The following NT5DC4 variants were observed in gnomAD, a reference collection of about 807,000 sequenced individuals.
NT5DC4 encodes 5'-nucleotidase domain containing 4, also known as 5'-nucleotidase domain-containing protein 4.
Under a neutral mutation model 26.6 loss-of-function variants are expected in NT5DC4, and 44 were observed. The observed-to-expected ratio is 1.65, with a 90% CI of 1.30 to 2.13. The LOEUF is 2.13. NT5DC4 is among the 30% of genes most tolerant of loss of function. The pLI is 0.00. For synonymous variants in NT5DC4, 157 were observed against 86.7 expected, an observed-to-expected ratio of 1.81 and a Z score of -4.51; for missense variants, 399 against 228.1, an observed-to-expected ratio of 1.75 and a Z score of -4.83.
Position 112,738,953 on chromosome 2 carries a change from A to G in NT5DC4, c.*17A>G. On this transcript the variant is annotated 3_prime_UTR_variant, in exon 17 of 17. Transcript: ENST00000688554. ...CACTACTAAATCGTGTTCCTGCAGC[A>G]TTTCTGGGTAGCGGGACACTGCTCG... 1 of 1,614,174 alleles carries G rather than the reference A, an allele frequency of 6.2e-7. No homozygotes were observed. The highest frequency in any genetic ancestry group is 1.1e-5 in the South Asian group (1 of 91,082).
downstream of NT5DC4, among the ~76,000 whole-genome samples, chr2:112,741,567 G>A (rs1679967771): frequency 1.3e-5 from 2 of 152,228 alleles, no homozygotes; most frequent in Non-Finnish European, 2.9e-5. Context: ...GACACCCTAA[G>A]TGAGGTCAAT....
At chr2:112,739,841 T>C (rs149874262), downstream of NT5DC4, among the ~76,000 whole-genome samples, 1 of 152,012 alleles carries the variant, frequency 6.6e-6, no homozygotes, top group Non-Finnish European at 1.5e-5. Context: ...TTTCATAGAG[T>C]TGGGGTCTCC....
chr2:112,723,503 C>T (rs1377999283), intron 8 of NT5DC4, 35 bp downstream of exon 8: 1 of 715,888 alleles, frequency 1.4e-6, no homozygotes, highest in Admixed American at 2.0e-5. Flanking sequence ...ATGGCCATCA[C>T]CCCCAAAGCA....
upstream of NT5DC4, among the ~76,000 whole-genome samples, chr2:112,719,023 G>A (rs74438356): frequency 1.3e-5 from 2 of 152,074 alleles, no homozygotes; most frequent in African/African-American, 2.4e-5. Flanking sequence ...GTCATGCGGG[G>A]CTTGACCACA....
intron 9 of NT5DC4, 125 bp from the exon 10 acceptor site, chr2:112,723,969 A>G: frequency 1.4e-6 from 1 of 702,954 alleles, no homozygotes; most frequent in Non-Finnish European, 2.6e-6. Context: ...AAGGCCTCAG[A>G]AGAATGAGCA....
chr2:112,727,694 C>T (rs1677922081), intron 15 of NT5DC4, among the ~76,000 whole-genome samples: 1 of 152,160 alleles, frequency 6.6e-6, no homozygotes, highest in African/African-American at 2.4e-5. Flanking sequence ...TTCAATGTCC[C>T]CCGGTGAGAG....
chr2:112,724,390 G>A, intron 10 of NT5DC4: 1 of 588,686 alleles, frequency 1.7e-6, no homozygotes, highest in Non-Finnish European at 3.0e-6. Context: ...TGGGTGAGAC[G>A]AGGGCATGGC....
chr2:112,732,210 A>AT (rs60070270), intron 16 of NT5DC4, among the ~76,000 whole-genome samples: 116 of 150,268 alleles, frequency 7.7e-4, no homozygotes, highest in African/African-American at 1.1e-3. Flanking sequence ...CGAGCCTGGC[A>AT]TTTTTTTTTT....
At chr2:112,721,272 G>A (rs1256966608) in intron 1 of NT5DC4, among the ~76,000 whole-genome samples, 119 bp downstream of exon 1, 1 of 152,220 alleles carries the variant, frequency 6.6e-6, no homozygotes, top group Non-Finnish European at 1.5e-5. Context: ...AAATGCAGAC[G>A]TACACTTGCA....
At chr2:112,733,696 G>A (rs546130878) in intron 16 of NT5DC4, among the ~76,000 whole-genome samples, 79 of 152,358 alleles carry the variant, frequency 5.2e-4, no homozygotes, top group Non-Finnish European at 8.1e-4. Context: ...TTGGATGGCT[G>A]ATGTGAGAGA....
rs563520807 is a variant in NT5DC4 at position 112,739,023 on chromosome 2, C to T, written c.*87C>T. 1 of 1,614,072 alleles carries T rather than the reference C, an allele frequency of 6.2e-7. No individual in the cohort carries two copies. Among genetic ancestry groups the T allele is most frequent in the South Asian group, 1.1e-5 (1 of 91,076 alleles). The stretch of plus-strand genomic sequence containing the variant: ...CGTACAGGAGTGATAAATTTCATGT[C>T]TTGCACTTCCGGCATCCCATTTATT... On this transcript the variant is annotated 3_prime_UTR_variant, in exon 17 of 17. Transcript: ENST00000688554.
chr2:112,719,889 CCTTT>C (rs72291339), upstream of NT5DC4, among the ~76,000 whole-genome samples: 13,823 of 77,110 alleles, frequency 0.18, 1,465 homozygotes, highest in Admixed American at 0.31. Flanking sequence ...TTCTTTCTTT[CCTTT>C]CTTTCTTTCT....
chr2:112,720,034 C>CTTCTTTCT (rs200744966), upstream of NT5DC4, among the ~76,000 whole-genome samples: 1 of 132,202 alleles, frequency 7.6e-6, no homozygotes, highest in African/African-American at 3.0e-5. Flanking sequence ...TCCTTCCTTC[C>CTTCTTTCT]TTCTTTCTTC....
At chr2:112,736,124 G>A (rs957742598) in intron 16 of NT5DC4, among the ~76,000 whole-genome samples, 1 of 152,048 alleles carries the variant, frequency 6.6e-6, no homozygotes, top group African/African-American at 2.4e-5. Flanking sequence ...CACAAGCAAT[G>A]GATGGCACTG....
intron 15 of NT5DC4, among the ~76,000 whole-genome samples, chr2:112,727,950 C>T (rs1677967622): frequency 6.6e-6 from 1 of 152,372 alleles, no homozygotes; most frequent in African/African-American, 2.4e-5. Context: ...CGAGTGAGCT[C>T]AGCTCTCTCG....
At chr2:112,724,577 C>T (rs376799969) in intron 10 of NT5DC4, 19 of 595,340 alleles carry the variant, frequency 3.2e-5, no homozygotes, top group African/African-American at 3.2e-4. Context: ...TGTTCAACAC[C>T]CACCTCCACA....
chr2:112,729,808 T>TG (rs1172596744), intron 16 of NT5DC4, 104 bp downstream of exon 16: 45 of 681,176 alleles, frequency 6.6e-5, no homozygotes, highest in African/African-American at 1.4e-4. Context: ...AGGCAATTGG[T>TG]GGGGGGGCTT....
chr2:112,733,998 T>A (rs1310249824), intron 16 of NT5DC4, among the ~76,000 whole-genome samples: 1 of 152,112 alleles, frequency 6.6e-6, no homozygotes, highest in Admixed American at 6.6e-5. Context: ...AGTTAAAAGT[T>A]CTGAACCTGG....
downstream of NT5DC4, chr2:112,742,367 T>C (rs746182357): frequency 1.4e-6 from 1 of 717,258 alleles, no homozygotes; most frequent in Non-Finnish European, 2.6e-6. Context: ...GTGGGTTTAT[T>C]ATGATTAAAC....
Sources: gnomAD v4.1 joint callset for allele counts (sites outside exome capture counted in the v4.1 genomes callset) on GRCh38, gnomAD v4.1.1 for gene constraint, MANE v1.5 for transcripts, NCBI Gene and HGNC (gene_info 2026-07-23, HGNC 2026-07-21) for gene names.